LRP1B: variants seen among roughly 807,000 people sequenced by gnomAD.
LRP1B encodes LDL receptor related protein 1B, also known as low-density lipoprotein receptor-related protein 1B.
In LRP1B, 217 loss-of-function variants were observed where a neutral mutation model predicts 556.6. The observed-to-expected ratio is 0.39, with a 90% CI of 0.35 to 0.44. The LOEUF (loss-of-function observed/expected upper bound fraction) is 0.44, where lower values mean the gene tolerates loss of function less well. LRP1B is among the 20% of genes least tolerant of loss of function. The pLI, the probability that LRP1B is intolerant of heterozygous loss-of-function variation, is 1.00. For synonymous variants in LRP1B, 2,047 were observed against 1,865.8 expected, an observed-to-expected ratio of 1.10 and a Z score of -2.50; for missense variants, 5,053 against 5,620.8, an observed-to-expected ratio of 0.90 and a Z score of 3.23.
At chr2:141,536,694 C>T (rs1685080805) in intron 2 of LRP1B, among the ~76,000 whole-genome samples, 1 of 151,970 alleles carries the variant, frequency 6.6e-6, no homozygotes, top group Non-Finnish European at 1.5e-5. Flanking sequence ...TTTTGAGACT[C>T]ATATTAAACA....
At chr2:140,968,231 A>T (rs192582616) in intron 18 of LRP1B, among the ~76,000 whole-genome samples, 4 of 151,730 alleles carry the variant, frequency 2.6e-5, no homozygotes, top group African/African-American at 9.7e-5. Context: ...CTATTCAGGG[A>T]TTCAACTTCT....
chr2:140,760,496 C>G (rs1352959378), intron 35 of LRP1B, among the ~76,000 whole-genome samples: 2 of 152,198 alleles, frequency 1.3e-5, no homozygotes, highest in Non-Finnish European at 1.5e-5. Context: ...ACCTTGCTCC[C>G]TAGCTTGGCC....
rs148201997 is a variant in LRP1B at position 141,918,906 on chromosome 2, G to A, written c.83-108505C>T. Among the ~76,000 whole-genome samples, 431 of 152,164 alleles carry A rather than the reference G, an allele frequency of 2.8e-3. 2 individuals are homozygous for A. The highest frequency in any genetic ancestry group is 0.01 in the African/African-American group (417 of 41,538). On this transcript the variant is annotated intron_variant, in intron 1 of 90. Coordinates refer to ENST00000389484, the MANE Select transcript of LRP1B (RefSeq NM_018557.3). ...GTACAATAATGATCAACTCTAATGA[G>A]ACTGTCACCCATGTGCCTGTAATCT...
At chr2:141,765,662 C>T (rs1439160461) in intron 2 of LRP1B, among the ~76,000 whole-genome samples, 2 of 152,108 alleles carry the variant, frequency 1.3e-5, no homozygotes, top group Non-Finnish European at 1.5e-5. Flanking sequence ...CCATTTTGCC[C>T]GGAAAGAAAC....
intron 66 of LRP1B, among the ~76,000 whole-genome samples, chr2:140,419,615 A>G (rs901553010): frequency 9.8e-5 from 15 of 152,358 alleles, no homozygotes; most frequent in Non-Finnish European, 2.1e-4. Flanking sequence ...GTGATCACCA[A>G]TGAAATCAAA....
chr2:141,359,711 G>T (rs13392847), intron 3 of LRP1B, among the ~76,000 whole-genome samples: 2 of 152,172 alleles, frequency 1.3e-5, no homozygotes, highest in South Asian at 4.1e-4. Context: ...GGCCAAGATC[G>T]TGCCACCGCA....
chr2:140,756,467 T>G (rs1688743584), intron 35 of LRP1B, among the ~76,000 whole-genome samples: 1 of 151,990 alleles, frequency 6.6e-6, no homozygotes. Flanking sequence ...CAATTGATAC[T>G]CATAAAAATA....
chr2:141,654,866 C>T (rs929944469), intron 2 of LRP1B, among the ~76,000 whole-genome samples: 1 of 151,964 alleles, frequency 6.6e-6, no homozygotes, highest in East Asian at 1.9e-4. Context: ...TCTCAGTCTG[C>T]GAGCGATATT....
intron 2 of LRP1B, among the ~76,000 whole-genome samples, chr2:141,734,446 CAG>C (rs1223495676): frequency 2.0e-5 from 3 of 151,700 alleles, no homozygotes; most frequent in Non-Finnish European, 4.4e-5. Context: ...GAAAAACACA[CAG>C]GGAGAGATAG....
Position 141,840,043 on chromosome 2 carries a change from C to T in LRP1B, c.83-29642G>A, listed in dbSNP as rs191307537. ...TCATTTTTATATTGTGCCATGTTTTCCTTTAGTCCTCTCAGGTAGAGTTGG... is the reference window on the plus strand; with the variant it reads ...TCATTTTTATATTGTGCCATGTTTTTCTTTAGTCCTCTCAGGTAGAGTTGG... On this transcript the variant is annotated intron_variant, in intron 1 of 90. Coordinates refer to ENST00000389484, the MANE Select transcript of LRP1B (RefSeq NM_018557.3). Among the ~76,000 whole-genome samples the T allele has an allele frequency of 4.5e-3, 690 of 152,142 alleles. 1 individual carries two copies. The highest frequency in any genetic ancestry group is 8.1e-3 in the Non-Finnish European group (553 of 67,978).
At chr2:141,459,035 C>G (rs1681749668) in intron 3 of LRP1B, among the ~76,000 whole-genome samples, 1 of 152,078 alleles carries the variant, frequency 6.6e-6, no homozygotes, top group African/African-American at 2.4e-5. Flanking sequence ...CCAGAAACAC[C>G]CTGATTCACC....
At chr2:140,577,876 T>C (rs1402360504) in intron 43 of LRP1B, among the ~76,000 whole-genome samples, 1 of 152,222 alleles carries the variant, frequency 6.6e-6, no homozygotes, top group Non-Finnish European at 1.5e-5. Context: ...CTAATTATAT[T>C]GCTTAAAAAA....
At chr2:141,909,484 T>C (rs2104948941) in intron 1 of LRP1B, among the ~76,000 whole-genome samples, 1 of 150,998 alleles carries the variant, frequency 6.6e-6, no homozygotes, top group East Asian at 2.0e-4. Flanking sequence ...GGGTAACTGG[T>C]TCAGGCATCT....
In LRP1B at chr2:140,358,886, T is replaced by C. The variant is rs1682369294; in HGVS notation, c.11192A>G (p.Gln3731Arg). The stretch of plus-strand genomic sequence containing the variant: ...AATCCCATTGCACATTTGCTCCGAC[T>C]GTAGGCATATTCTGTTATTTCTGCA... Reference protein sequence around the residue: ...HRCRNNRICLQSEQMCNGIDE... With the variant: ...HRCRNNRICLRSEQMCNGIDE... The change falls in exon 73 of 91, where the codon CAG becomes CGG. Residue 3731 changes from glutamine (Q) to arginine (R), a missense_variant. Gln to Arg is a conservative substitution (Grantham distance 43). This residue lies in a region of LRP1B where 599 missense variants were observed against 648.4 expected (regional missense o/e 0.92). Transcript: ENST00000389484. The C allele has an allele frequency of 6.2e-7, 1 of 1,609,296 alleles. No homozygotes were observed. The highest frequency in any genetic ancestry group is 1.3e-5 in the African/African-American group (1 of 74,680).
intron 49 of LRP1B, among the ~76,000 whole-genome samples, chr2:140,517,731 GA>G (rs1446169393): frequency 3.2e-5 from 3 of 93,358 alleles, no homozygotes; most frequent in Admixed American, 1.3e-4. Context: ...TTTTTGTTGA[GA>G]TGGAGTTTCA....
rs141228639 is a variant in LRP1B at position 141,296,012 on chromosome 2, T to A, written c.344-41371A>T. On this transcript the variant is annotated intron_variant, in intron 3 of 90. Coordinates refer to ENST00000389484, the MANE Select transcript of LRP1B (RefSeq NM_018557.3). ...TGAAAATTCTGGCTAAGGAATAACT[T>A]TCAGTTTTCAATCAACATAATAAAA... is the stretch of plus-strand genomic sequence containing the variant. Among the ~76,000 whole-genome samples the A allele has an allele frequency of 8.0e-4, 122 of 152,228 alleles. 2 individuals carry two copies. The East Asian group carries it at 0.022, about 27-fold the overall frequency.
At chr2:140,979,093 C>T (rs1387544958) in intron 18 of LRP1B, among the ~76,000 whole-genome samples, 1 of 152,166 alleles carries the variant, frequency 6.6e-6, no homozygotes, top group East Asian at 1.9e-4. Context: ...AATCCTCCCA[C>T]CTCAGCCTCT....
intron 41 of LRP1B, among the ~76,000 whole-genome samples, chr2:140,607,958 G>A (rs1300551090): frequency 1.3e-5 from 2 of 151,690 alleles, no homozygotes; most frequent in African/African-American, 4.8e-5. Context: ...TAAAAGCTCA[G>A]AGTCATTTTT....
Position 141,040,486 on chromosome 2 carries a change from A to T in LRP1B, c.1789+8500T>A, listed in dbSNP as rs140084123. The stretch of plus-strand genomic sequence containing the variant: ...TAAAGGTGCAGAAAATGATAATCCT[A>T]CTATAAGGTCAGTGTCATTCAGGTA... On this transcript the variant is annotated intron_variant, in intron 11 of 90. Coordinates refer to ENST00000389484, the MANE Select transcript of LRP1B (RefSeq NM_018557.3). Among the ~76,000 whole-genome samples, 78 of 152,138 alleles carry T rather than the reference A, an allele frequency of 5.1e-4. 2 individuals carry two copies. The East Asian group carries it at 0.014, about 27-fold the overall frequency.
Sources: allele counts gnomAD v4.1 joint callset (sites outside exome capture counted in the v4.1 genomes callset), GRCh38; gene constraint gnomAD v4.1.1; regional missense constraint gnomAD v4.1.1; transcripts MANE v1.5; gene names NCBI Gene and HGNC (gene_info 2026-07-23, HGNC 2026-07-21).